Variants in GPC6 observed in about 807,000 individuals in gnomAD.
The protein encoded by GPC6 is glypican 6, also known as glypican-6.
In GPC6, 14 loss-of-function variants were observed where a neutral mutation model predicts 55.2. The ratio of observed to expected loss-of-function variants is 0.25; its 90% CI spans 0.17 to 0.40. The LOEUF is 0.40. GPC6 is among the 10% of genes least tolerant of loss of function. GPC6 has a pLI of 1.00. For synonymous variants in GPC6, 278 were observed against 259.6 expected (o/e 1.07, Z -0.68); for missense variants, 641 against 708.5 (o/e 0.90, Z 1.08).
chr13:93,559,271 A>G (rs746563769), intron 2 of GPC6, among the ~76,000 whole-genome samples: 20 of 152,292 alleles, frequency 1.3e-4, no homozygotes, highest in Middle Eastern at 3.4e-3. Flanking sequence ...TCCTGTTCCA[A>G]TTTCAAAGGC....
chr13:93,432,226 T>C (rs956926777), intron 1 of GPC6, among the ~76,000 whole-genome samples: 7 of 152,184 alleles, frequency 4.6e-5, no homozygotes, highest in African/African-American at 1.4e-4. Context: ...CTTTACCAAG[T>C]TCAGATTCTA....
intron 6 of GPC6, among the ~76,000 whole-genome samples, chr13:94,357,234 A>C (rs1878843153): frequency 6.6e-6 from 1 of 152,166 alleles, no homozygotes; most frequent in Admixed American, 6.5e-5. Flanking sequence ...TTTGCCTTTC[A>C]GTTGCACCAA....
At chr13:93,905,976 A>G (rs1876641903) in intron 3 of GPC6, among the ~76,000 whole-genome samples, 1 of 152,224 alleles carries the variant, frequency 6.6e-6, no homozygotes, top group Non-Finnish European at 1.5e-5. Context: ...TAGAATAAAT[A>G]CTGACTTTGA....
At chr13:94,055,801 A>G in intron 4 of GPC6, among the ~76,000 whole-genome samples, 1 of 152,214 alleles carries the variant, frequency 6.6e-6, no homozygotes, top group South Asian at 2.1e-4. Flanking sequence ...TTCCTAAAAA[A>G]AACAAAAAGT....
chr13:94,301,802 A>T (rs996813651), intron 5 of GPC6, among the ~76,000 whole-genome samples: 1 of 152,158 alleles, frequency 6.6e-6, no homozygotes. Context: ...TAAGCTGATG[A>T]TCCCAATCTC....
chr13:93,272,061 T>C (rs1263425009), intron 1 of GPC6, among the ~76,000 whole-genome samples: 3 of 152,066 alleles, frequency 2.0e-5, no homozygotes, highest in Admixed American at 6.6e-5. Context: ...TATCAAGAGG[T>C]AGTTAATTTT....
At chr13:94,124,713 C>T (rs1427222254) in intron 4 of GPC6, among the ~76,000 whole-genome samples, 1 of 152,036 alleles carries the variant, frequency 6.6e-6, no homozygotes, top group African/African-American at 2.4e-5. Flanking sequence ...ATCTCAGAGT[C>T]CCTGAAAGGT....
intron 2 of GPC6, among the ~76,000 whole-genome samples, chr13:93,608,795 A>G (rs549200306): frequency 2.0e-5 from 3 of 152,206 alleles, no homozygotes; most frequent in Non-Finnish European, 4.4e-5. Flanking sequence ...AGTAAGAAGG[A>G]ATGTAGTAAG....
intron 2 of GPC6, among the ~76,000 whole-genome samples, chr13:93,765,308 T>TTCCAGATAAGCTGTCTGG: frequency 9.0e-4 from 133 of 148,524 alleles, no homozygotes; most frequent in Non-Finnish European, 1.1e-3. Context: ...AAAGACAACT[T>TTCCAGATAAGCTGTCTGG]ATTTGGTTTA....
At chr13:93,887,627 A>G (rs1875421302) in intron 3 of GPC6, among the ~76,000 whole-genome samples, 1 of 152,122 alleles carries the variant, frequency 6.6e-6, no homozygotes, top group South Asian at 2.1e-4. Context: ...CACTTCAGTG[A>G]TCCCTCTAAA....
intron 7 of GPC6, among the ~76,000 whole-genome samples, chr13:94,394,074 A>T (rs1880791437): frequency 6.6e-6 from 1 of 152,190 alleles, no homozygotes; most frequent in Non-Finnish European, 1.5e-5. Flanking sequence ...AAATTTCCAT[A>T]GGACTCTTCT....
At chr13:93,900,232 A>T (rs1244518792) in intron 3 of GPC6, among the ~76,000 whole-genome samples, 1 of 152,176 alleles carries the variant, frequency 6.6e-6, no homozygotes, top group Non-Finnish European at 1.5e-5. Context: ...CCTAAAGAGA[A>T]TGAATGGCTT....
At chr13:93,237,729 A>C (rs1041406715) in intron 1 of GPC6, among the ~76,000 whole-genome samples, 11 of 83,930 alleles carry the variant, frequency 1.3e-4, no homozygotes, top group African/African-American at 5.3e-4. Context: ...AATTCATCTT[A>C]AGTTATTTTT....
intron 4 of GPC6, among the ~76,000 whole-genome samples, chr13:94,254,533 G>A (rs750997247): frequency 4.6e-5 from 7 of 151,912 alleles, no homozygotes; most frequent in Non-Finnish European, 8.8e-5. Context: ...TTAATATAAT[G>A]ATAATAATAA....
intron 1 of GPC6, among the ~76,000 whole-genome samples, chr13:93,406,716 C>T (rs1337933269): frequency 6.6e-6 from 1 of 152,090 alleles, no homozygotes; most frequent in Admixed American, 6.6e-5. Flanking sequence ...AAATGGGGTA[C>T]TATTGTCTTG....
intron 2 of GPC6, chr13:93,818,836 G>A (rs932571816): frequency 1.3e-5 from 2 of 152,188 alleles, no homozygotes; most frequent in African/African-American, 4.8e-5. Flanking sequence ...AGAATTGGGA[G>A]TTTTCATGAT....
chr13:93,428,798 T>C (rs957319956), intron 1 of GPC6, among the ~76,000 whole-genome samples: 1 of 152,146 alleles, frequency 6.6e-6, no homozygotes, highest in Non-Finnish European at 1.5e-5. Context: ...TACAGTTTTT[T>C]AGCCTAAGCT....
intron 2 of GPC6, among the ~76,000 whole-genome samples, chr13:93,758,492 A>G (rs904496307): frequency 3.3e-5 from 5 of 152,150 alleles, no homozygotes; most frequent in African/African-American, 7.2e-5. Context: ...ATTTATATAC[A>G]TATCAATCTA....
intron 1 of GPC6, among the ~76,000 whole-genome samples, chr13:93,231,391 ATATATG>A (rs1241585947): frequency 3.7e-4 from 8 of 21,474 alleles, no homozygotes; most frequent in East Asian, 2.8e-3. Flanking sequence ...ATATATATAT[ATATATG>A]TATATATATA....
Sources: allele counts gnomAD v4.1 joint callset (sites outside exome capture counted in the v4.1 genomes callset), GRCh38; gene constraint gnomAD v4.1.1; transcripts MANE v1.5; gene names NCBI Gene and HGNC (gene_info 2026-07-23, HGNC 2026-07-21).